DTNB: variants seen among roughly 807,000 people sequenced by gnomAD.
The protein encoded by DTNB is dystrobrevin beta.
In DTNB, 63 loss-of-function variants were observed where a neutral mutation model predicts 90.7. The observed-to-expected ratio is 0.69, with a 90% CI of 0.57 to 0.86. The LOEUF (loss-of-function observed/expected upper bound fraction) is 0.86, where lower values mean the gene tolerates loss of function less well. Among genes scored for constraint, DTNB ranks in the 40% least tolerant of loss-of-function variants. The probability of loss-of-function intolerance (pLI) is 0.00; values close to 1 mark genes in which losing one functional copy is unlikely to be tolerated. For missense variants in DTNB, 744 were observed against 807.1 expected (o/e 0.92, Z 0.95); for synonymous variants, 277 against 286.7 (o/e 0.97, Z 0.34).
intron 12 of DTNB, among the ~76,000 whole-genome samples, chr2:25,434,916 T>C (rs2055194570): frequency 6.6e-6 from 1 of 152,230 alleles, no homozygotes; most frequent in South Asian, 2.1e-4. Flanking sequence ...TACTTTTTTC[T>C]TTTAACCATC....
intron 4 of DTNB, among the ~76,000 whole-genome samples, chr2:25,618,279 T>C (rs2071374252): frequency 6.6e-6 from 1 of 152,180 alleles, no homozygotes; most frequent in South Asian, 2.1e-4. Flanking sequence ...CTGCAGCTCC[T>C]CAGCACCCTG....
chr2:25,658,506 G>A (rs2148987018), intron 1 of DTNB, among the ~76,000 whole-genome samples: 1 of 152,260 alleles, frequency 6.6e-6, no homozygotes, highest in Non-Finnish European at 1.5e-5. Context: ...GCCAAAAGCT[G>A]GAAGCAATGA....
At chr2:25,485,931 G>A (rs1361065366) in intron 9 of DTNB, among the ~76,000 whole-genome samples, 1 of 151,958 alleles carries the variant, frequency 6.6e-6, no homozygotes, top group Non-Finnish European at 1.5e-5. Flanking sequence ...AGACCAGCCT[G>A]GCCAAGATGT....
intron 8 of DTNB, among the ~76,000 whole-genome samples, chr2:25,558,028 G>A (rs944038546): frequency 6.6e-6 from 1 of 152,162 alleles, no homozygotes; most frequent in East Asian, 1.9e-4. Flanking sequence ...GCATGTAAAA[G>A]CCGGAACTGT....
intron 9 of DTNB, among the ~76,000 whole-genome samples, chr2:25,505,794 C>T (rs1459365204): frequency 1.3e-5 from 2 of 152,182 alleles, no homozygotes; most frequent in Admixed American, 6.5e-5. Flanking sequence ...TCTTTAAATG[C>T]ATCTTTGACG....
At chr2:25,414,292 T>C (rs1024825399) in intron 16 of DTNB, among the ~76,000 whole-genome samples, 52 of 152,210 alleles carry the variant, frequency 3.4e-4, no homozygotes, top group African/African-American at 1.3e-3. Context: ...TCTCGCTCTG[T>C]CGGCTGAAGT....
At chr2:25,404,797 G>C (rs1315863201) in intron 16 of DTNB, among the ~76,000 whole-genome samples, 1 of 152,180 alleles carries the variant, frequency 6.6e-6, no homozygotes, top group Non-Finnish European at 1.5e-5. Context: ...AGAGGTTGCA[G>C]TGAGCCGAGA....
intron 10 of DTNB, among the ~76,000 whole-genome samples, chr2:25,460,428 A>T (rs2060750604): frequency 6.6e-6 from 1 of 152,168 alleles, no homozygotes; most frequent in Non-Finnish European, 1.5e-5. Flanking sequence ...AGTGTTATAA[A>T]AAGTATGAGT....
chr2:25,384,009 A>G, intron 18 of DTNB, 120 bp from the exon 19 acceptor site: 1 of 1,568,708 alleles, frequency 6.4e-7, no homozygotes, highest in Non-Finnish European at 8.6e-7. Context: ...TCCTGGCTGC[A>G]GGCCTCTGAG....
chr2:25,539,235 C>A (rs1029106914), intron 8 of DTNB, among the ~76,000 whole-genome samples: 1 of 152,142 alleles, frequency 6.6e-6, no homozygotes, highest in Non-Finnish European at 1.5e-5. Flanking sequence ...TCTTAGTGGC[C>A]ATGTATAAGA....
intron 2 of DTNB, 60 bp from the exon 3 acceptor site, chr2:25,639,154 G>A: frequency 6.8e-7 from 1 of 1,468,744 alleles, no homozygotes; most frequent in South Asian, 1.3e-5. Flanking sequence ...CAAACGCTAG[G>A]AAATGACTCC....
At chr2:25,513,530 G>T (rs1427571948) in intron 9 of DTNB, among the ~76,000 whole-genome samples, 1 of 151,962 alleles carries the variant, frequency 6.6e-6, no homozygotes, top group Non-Finnish European at 1.5e-5. Context: ...GAAACTAGCC[G>T]GCCAACATGG....
chr2:25,381,154 C>T (rs2037594730), intron 19 of DTNB, among the ~76,000 whole-genome samples: 1 of 152,222 alleles, frequency 6.6e-6, no homozygotes, highest in Non-Finnish European at 1.5e-5. Flanking sequence ...CAGCCAGGAA[C>T]ATTCCACATG....
At chr2:25,615,439 T>C (rs1376002550) in intron 4 of DTNB, among the ~76,000 whole-genome samples, 2 of 152,186 alleles carry the variant, frequency 1.3e-5, no homozygotes, top group Admixed American at 1.3e-4. Context: ...AATCACATGA[T>C]TAGCTCCCCT....
chr2:25,593,343 AAC>A (rs2063917644), intron 6 of DTNB, among the ~76,000 whole-genome samples: 1 of 152,212 alleles, frequency 6.6e-6, no homozygotes, highest in African/African-American at 2.4e-5. Flanking sequence ...TCATTAAGGA[AAC>A]ACATACTGAA....
At chr2:25,510,711 T>C (rs2073756656) in intron 9 of DTNB, among the ~76,000 whole-genome samples, 1 of 152,142 alleles carries the variant, frequency 6.6e-6, no homozygotes, top group Non-Finnish European at 1.5e-5. Context: ...TTTCACCATG[T>C]TGGCCAGGCT....
intron 9 of DTNB, among the ~76,000 whole-genome samples, chr2:25,488,221 G>C (rs2066596388): frequency 1.3e-5 from 2 of 152,126 alleles, no homozygotes; most frequent in Admixed American, 1.3e-4. Flanking sequence ...CTATGAAGAT[G>C]GACAGTGGTA....
At chr2:25,571,050 C>A (rs2151289873) in intron 8 of DTNB, among the ~76,000 whole-genome samples, 1 of 152,302 alleles carries the variant, frequency 6.6e-6, no homozygotes, top group Non-Finnish European at 1.5e-5. Flanking sequence ...AAATGCTCTC[C>A]ATCCACAGCA....
At chr2:25,441,412 A>AT (rs910060970) in intron 12 of DTNB, among the ~76,000 whole-genome samples, 1 of 152,082 alleles carries the variant, frequency 6.6e-6, no homozygotes. Flanking sequence ...ACTTATTGCA[A>AT]TTTTTACATG....
Sources: gnomAD v4.1 joint callset for allele counts (sites outside exome capture counted in the v4.1 genomes callset) on GRCh38, gnomAD v4.1.1 for gene constraint, MANE v1.5 for transcripts, NCBI Gene and HGNC (gene_info 2026-07-23, HGNC 2026-07-21) for gene names.